Variants in SEM1 observed in about 807,000 individuals in gnomAD.
SEM1 encodes the protein SEM1 26S proteasome subunit.
SEM1 carries 3 observed loss-of-function variants against 12.7 expected under a neutral mutation model. The observed-to-expected ratio is 0.24, with a 90% confidence interval of 0.11 to 0.61. The LOEUF (loss-of-function observed/expected upper bound fraction) is 0.61. Ranked by LOEUF, SEM1 falls within the 20% of genes least tolerant of loss-of-function variation. The pLI is 0.88. For synonymous variants in SEM1, 30 were observed against 27.8 expected, an observed-to-expected ratio of 1.08 and a Z score of -0.25; for missense variants, 59 against 81.3, an observed-to-expected ratio of 0.73 and a Z score of 1.06.
At chr7:96,681,494 T>C (rs1424546091) in intron 2 of SEM1, among the ~76,000 whole-genome samples, 1 of 152,054 alleles carries the variant, frequency 6.6e-6, no homozygotes, top group Non-Finnish European at 1.5e-5. Context: ...CTAAGATTTC[T>C]TAAATAAGGA....
intron 2 of SEM1, among the ~76,000 whole-genome samples, chr7:96,529,094 C>T (rs931697912): frequency 3.3e-5 from 5 of 151,998 alleles, no homozygotes; most frequent in African/African-American, 9.7e-5. Flanking sequence ...TGACCTCATC[C>T]CTTATGATAC....
chr7:96,681,506 G>A (rs922546015), intron 2 of SEM1, among the ~76,000 whole-genome samples: 2 of 151,904 alleles, frequency 1.3e-5, no homozygotes, highest in African/African-American at 4.8e-5. Context: ...AAATAAGGAC[G>A]TTTGGTTTTA....
At chr7:96,592,517 A>G (rs1806860459) in intron 2 of SEM1, among the ~76,000 whole-genome samples, 2 of 151,850 alleles carry the variant, frequency 1.3e-5, no homozygotes, top group African/African-American at 4.8e-5. Flanking sequence ...GAGAATATTT[A>G]TACAGGTTCT....
At chr7:96,536,796 AT>A (rs57351643) in intron 2 of SEM1, among the ~76,000 whole-genome samples, 1 of 151,622 alleles carries the variant, frequency 6.6e-6, no homozygotes, top group African/African-American at 2.4e-5. Flanking sequence ...TTTTTAACCT[AT>A]TTTTTACTTT....
chr7:96,640,664 A>G lies in SEM1; in HGVS notation c.171-18021T>C, dbSNP rs1191148133. Among the ~76,000 whole-genome samples, 3 of 151,960 alleles carry G rather than the reference A, an allele frequency of 2.0e-5. No individual in the cohort carries two copies. Among genetic ancestry groups the G allele is most frequent in the East Asian group, 1.9e-4 (1 of 5,186 alleles). On this transcript the variant is annotated intron_variant, in intron 2 of 2. Transcript: ENST00000417009. The surrounding 1 kb of genome is among the most constrained non-coding windows in gnomAD (Gnocchi z 4.0). ...TAATGGTGGACACATGTCATTATACATCTCCAAACTCACGGAATGTAGGGC... is the reference window on the plus strand; with the variant it reads ...TAATGGTGGACACATGTCATTATACGTCTCCAAACTCACGGAATGTAGGGC...
At chr7:96,614,576 C>T (rs1042480139) in intron 2 of SEM1, among the ~76,000 whole-genome samples, 1 of 152,194 alleles carries the variant, frequency 6.6e-6, no homozygotes, top group African/African-American at 2.4e-5. Flanking sequence ...TAGCCGAAAA[C>T]AGTAGTATCA....
intron 1 of SEM1, among the ~76,000 whole-genome samples, chr7:96,705,234 A>G (rs1790413824): frequency 1.3e-5 from 2 of 152,060 alleles, no homozygotes; most frequent in African/African-American, 4.8e-5. Flanking sequence ...TCTTCAGACT[A>G]TATAGAAATT....
At chr7:96,532,074 AT>A (rs1399343814) in intron 2 of SEM1, among the ~76,000 whole-genome samples, 1 of 151,988 alleles carries the variant, frequency 6.6e-6, no homozygotes, top group Non-Finnish European at 1.5e-5. Context: ...TGCCTCACCC[AT>A]TAGGTTCCGG....
intron 2 of SEM1, among the ~76,000 whole-genome samples, chr7:96,561,578 CT>C (rs1436526926): frequency 1.3e-5 from 2 of 152,314 alleles, no homozygotes; most frequent in African/African-American, 2.4e-5. Flanking sequence ...TTGATCACCC[CT>C]ACCCTTGTAT....
intron 2 of SEM1, among the ~76,000 whole-genome samples, chr7:96,589,965 C>T (rs540441365): frequency 1.3e-5 from 2 of 152,242 alleles, no homozygotes; most frequent in South Asian, 2.1e-4. Flanking sequence ...GGAGTTTTCA[C>T]ATTTATGCAT....
chr7:96,680,742 T>C (rs1385074687), intron 2 of SEM1, among the ~76,000 whole-genome samples: 1 of 152,126 alleles, frequency 6.6e-6, no homozygotes, highest in Non-Finnish European at 1.5e-5. Flanking sequence ...GAATTAAAAC[T>C]ACGGTTAATA....
chr7:96,511,607 G>T (rs1803936731), intron 2 of SEM1, among the ~76,000 whole-genome samples: 1 of 152,006 alleles, frequency 6.6e-6, no homozygotes, highest in South Asian at 2.1e-4. Flanking sequence ...AATATAGAAT[G>T]TCATATTGAA....
intron 2 of SEM1, among the ~76,000 whole-genome samples, chr7:96,572,045 C>T (rs969919954): frequency 6.6e-6 from 1 of 152,106 alleles, no homozygotes; most frequent in Admixed American, 6.5e-5. Context: ...TTATCCATTT[C>T]TTCTAAATTT....
At chr7:96,566,548 C>A (rs1805847810) in intron 2 of SEM1, among the ~76,000 whole-genome samples, 2 of 151,384 alleles carry the variant, frequency 1.3e-5, no homozygotes, top group Admixed American at 6.6e-5. Flanking sequence ...AGAAAGATAG[C>A]CCTTTATTAT....
chr7:96,509,666 G>C (rs1394699751), intron 2 of SEM1, among the ~76,000 whole-genome samples: 2 of 152,206 alleles, frequency 1.3e-5, no homozygotes, highest in East Asian at 3.9e-4. Context: ...TGGATAAGTG[G>C]ATAAACAAAA....
intron 2 of SEM1, chr7:96,623,001 G>A: frequency 4.8e-6 from 1 of 207,838 alleles, no homozygotes; most frequent in South Asian, 1.4e-4. Context: ...TTCCAGGTAT[G>A]TCTATGAGGG....
intron 2 of SEM1, among the ~76,000 whole-genome samples, chr7:96,567,294 C>T (rs535156694): frequency 5.7e-4 from 86 of 151,458 alleles, no homozygotes; most frequent in African/African-American, 2.0e-3. Flanking sequence ...TAAATTTACT[C>T]GTATTACATT....
At chr7:96,505,130 T>C (rs547574769) in intron 3 of SEM1, among the ~76,000 whole-genome samples, 2 of 151,884 alleles carry the variant, frequency 1.3e-5, no homozygotes, top group East Asian at 2.0e-4. Flanking sequence ...TGAGACAGAG[T>C]CTCACTCTGT....
downstream of SEM1, chr7:96,622,543 AC>A (rs1350435893): frequency 2.7e-6 from 2 of 753,982 alleles, no homozygotes; most frequent in Non-Finnish European, 4.8e-6. Context: ...GGGGCTTGGT[AC>A]CTTTGCCTTC....
Sources: allele counts gnomAD v4.1 joint callset (sites outside exome capture counted in the v4.1 genomes callset), GRCh38; gene constraint gnomAD v4.1.1; non-coding constraint Gnocchi (gnomAD v3.1); transcripts MANE v1.5; gene names NCBI Gene and HGNC (gene_info 2026-07-23, HGNC 2026-07-21).